MEAK7: variants seen among roughly 807,000 people sequenced by gnomAD.
MEAK7 encodes the protein MTOR associated protein MEAK7.
Under a neutral mutation model 40.5 loss-of-function variants are expected in MEAK7, and 68 were observed. The observed-to-expected ratio is 1.68, with a 90% CI of 1.38 to 2.06. MEAK7 has a LOEUF of 2.06. Among genes scored for constraint, MEAK7 ranks in the 30% most tolerant of loss-of-function variants. The pLI, the probability that MEAK7 is intolerant of heterozygous loss-of-function variation, is 0.00. For synonymous variants in MEAK7, 338 were observed against 231.9 expected (o/e 1.46, Z -4.16); for missense variants, 918 against 580.5 (o/e 1.58, Z -5.98).
chr16:84,492,613 ACTCTG>A (rs951961833), intron 3 of MEAK7, among the ~76,000 whole-genome samples: 9 of 108,018 alleles, frequency 8.3e-5, no homozygotes, highest in Non-Finnish European at 1.7e-4. Context: ...ATGAAGTCTG[ACTCTG>A]TCACCCAGGC....
At chr16:84,497,717 A>C (rs1053942925) in intron 2 of MEAK7, 32 of 1,400,342 alleles carry the variant, frequency 2.3e-5, no homozygotes, top group Non-Finnish European at 3.1e-5. Flanking sequence ...GTCTATGGCT[A>C]TTTTCACACA....
intron 6 of MEAK7, among the ~76,000 whole-genome samples, chr16:84,481,888 C>G (rs369886770): frequency 6.6e-6 from 1 of 152,068 alleles, no homozygotes; most frequent in African/African-American, 2.4e-5. Context: ...GAGCCGAGAT[C>G]GCGCCACTGC....
chr16:84,489,979 A>G (rs1046839719), intron 3 of MEAK7, among the ~76,000 whole-genome samples: 3 of 152,160 alleles, frequency 2.0e-5, no homozygotes, highest in African/African-American at 7.2e-5. Flanking sequence ...CACTCCTAGG[A>G]AAGTAGATGA....
intron 3 of MEAK7, among the ~76,000 whole-genome samples, chr16:84,489,756 G>C (rs1913409716): frequency 6.6e-6 from 1 of 152,128 alleles, no homozygotes; most frequent in South Asian, 2.1e-4. Flanking sequence ...ACCCCCTCCA[G>C]AAAATCCCTG....
At chr16:84,501,103 A>G (rs1372867630) in intron 1 of MEAK7, among the ~76,000 whole-genome samples, 1 of 115,374 alleles carries the variant, frequency 8.7e-6, no homozygotes, top group African/African-American at 2.9e-5. Flanking sequence ...CAAAAAAAAA[A>G]AGAAAAAAAA....
At chr16:84,493,656 T>C (rs1913810935) in intron 3 of MEAK7, among the ~76,000 whole-genome samples, 1 of 152,256 alleles carries the variant, frequency 6.6e-6, no homozygotes, top group Admixed American at 6.5e-5. Context: ...CTCTAAAATT[T>C]GGAAACTATT....
chr16:84,481,211 G>A lies in MEAK7; in HGVS notation c.1078-503C>T, dbSNP rs900969998. ...AGGATGCGGAGGCAGACCCGGAGGC[G>A]GATGCGAACCCCTGTGCCTTCCACC... On this transcript the variant is annotated intron_variant, in intron 6 of 7. Transcript: ENST00000343629. Among the ~76,000 whole-genome samples the A allele has an allele frequency of 2.4e-4, 36 of 152,216 alleles. 1 individual carries two copies. Among genetic ancestry groups the A allele is most frequent in the Admixed American group, 5.2e-4 (8 of 15,288 alleles).
At chr16:84,485,661 T>TCCATCCAC (rs1912976487) in intron 5 of MEAK7, among the ~76,000 whole-genome samples, 10 of 83,032 alleles carry the variant, frequency 1.2e-4, no homozygotes, top group African/African-American at 3.0e-4. Context: ...CATCCATCCA[T>TCCATCCAC]CCATCTATCT....
At chr16:84,484,944 A>G (rs999396833) in intron 5 of MEAK7, among the ~76,000 whole-genome samples, 1 of 152,194 alleles carries the variant, frequency 6.6e-6, no homozygotes, top group Admixed American at 6.5e-5. Flanking sequence ...AAACATAAAG[A>G]GCCAGCAGAG....
At chr16:84,501,740 G>T (rs920590228) in intron 1 of MEAK7, among the ~76,000 whole-genome samples, 4 of 152,142 alleles carry the variant, frequency 2.6e-5, no homozygotes, top group East Asian at 1.9e-4. Context: ...TAAGAACACA[G>T]CGCTGTCCAC....
intron 2 of MEAK7, 76 bp from the exon 3 acceptor site, chr16:84,495,989 G>A (rs1597961219): frequency 6.6e-7 from 1 of 1,512,114 alleles, no homozygotes; most frequent in East Asian, 2.3e-5. Flanking sequence ...ATTATTTTAG[G>A]CAGATAGAGA....
chr16:84,493,752 A>G (rs973524360), intron 3 of MEAK7, among the ~76,000 whole-genome samples: 2 of 152,232 alleles, frequency 1.3e-5, no homozygotes, highest in African/African-American at 4.8e-5. Flanking sequence ...ACATAATTGG[A>G]AACACTGGTT....
At chr16:84,482,081 C>T (rs538365793) in intron 6 of MEAK7, among the ~76,000 whole-genome samples, 2 of 152,332 alleles carry the variant, frequency 1.3e-5, no homozygotes, top group East Asian at 3.9e-4. Flanking sequence ...CCACCCACTC[C>T]CTGCACCCGG....
chr16:84,493,735 T>A (rs1246915206), intron 3 of MEAK7, among the ~76,000 whole-genome samples: 1 of 152,242 alleles, frequency 6.6e-6, no homozygotes, highest in Non-Finnish European at 1.5e-5. Flanking sequence ...TTTTCTTTTA[T>A]AACAGGACAT....
chr16:84,497,766 A>G, intron 2 of MEAK7, 168 bp downstream of exon 2: 7 of 1,290,860 alleles, frequency 5.4e-6, no homozygotes, highest in Non-Finnish European at 7.5e-6. Flanking sequence ...GAGACCGCAT[A>G]GCTCACAAAG....
At chr16:84,502,657 G>A (rs908932085) in intron 1 of MEAK7, 10 of 151,766 alleles carry the variant, frequency 6.6e-5, no homozygotes, top group Non-Finnish European at 1.2e-4. Flanking sequence ...GATCATTTGA[G>A]GCCAGGAGTT....
chr16:84,479,759 G>C lies in MEAK7; in HGVS notation c.*154C>G. On this transcript the variant is annotated 3_prime_UTR_variant, in exon 8 of 8. Transcript: ENST00000343629. The stretch of plus-strand genomic sequence containing the variant: ...ACCCATGAGTCAGGACATGGCTTCA[G>C]AGGGCGTCTTCTTGGCACATGTGGG... 2.2e-6 allele frequency: 1 copy of C among 459,820 alleles called. No individual in the cohort carries two copies. The highest frequency in any genetic ancestry group is 3.9e-6 in the Non-Finnish European group (1 of 258,584). 28.5% of individuals were successfully genotyped at this position (459,820 alleles called of 1,614,324 possible).
chr16:84,502,676 G>C (rs953626406), intron 1 of MEAK7: 3 of 152,058 alleles, frequency 2.0e-5, no homozygotes, highest in Non-Finnish European at 4.4e-5. Context: ...TTTGAGACCA[G>C]CCTGGGCAAC....
chr16:84,480,858 T>G, intron 6 of MEAK7, 150 bp from the exon 7 acceptor site: 1 of 876,486 alleles, frequency 1.1e-6, no homozygotes, highest in Non-Finnish European at 1.7e-6. Flanking sequence ...TCCTTAACTG[T>G]GAAATATATC....
Sources: allele counts gnomAD v4.1 joint callset (sites outside exome capture counted in the v4.1 genomes callset), GRCh38; gene constraint gnomAD v4.1.1; transcripts MANE v1.5; gene names NCBI Gene and HGNC (gene_info 2026-07-23, HGNC 2026-07-21).